TP73: variants seen among roughly 807,000 people sequenced by gnomAD.
TP73 encodes the protein tumor protein p73.
In TP73, 25 loss-of-function variants were observed where a neutral mutation model predicts 62.5. That is an observed-to-expected ratio of 0.40 (90% CI 0.29 to 0.56). The LOEUF (loss-of-function observed/expected upper bound fraction) is 0.56, where lower values mean the gene tolerates loss of function less well. TP73 is among the 20% of genes least tolerant of loss of function. TP73 has a pLI of 0.46. For synonymous variants in TP73, 423 were observed against 377.5 expected, an observed-to-expected ratio of 1.12 and a Z score of -1.40; for missense variants, 754 against 913.3, an observed-to-expected ratio of 0.83 and a Z score of 2.25.
chr1:3,733,303 G>A lies in TP73; in HGVS notation c.*224G>A. On this transcript the variant is annotated 3_prime_UTR_variant, in exon 14 of 14. Coordinates refer to ENST00000378295, the MANE Select transcript of TP73 (RefSeq NM_005427.4). ...GTCACCTGCAGAACCTTCTGGAGCT[G>A]CCCTAGTGCTGGGCTTGTGGGGCGG... is the stretch of plus-strand genomic sequence containing the variant. The A allele has an allele frequency of 1.6e-6, 1 of 607,338 alleles. No individual in the cohort carries two copies. Among genetic ancestry groups the A allele is most frequent in the Non-Finnish European group, 2.9e-6 (1 of 348,684 alleles). 37.6% of individuals were successfully genotyped at this position (607,338 alleles called of 1,614,324 possible).
intron 1 of TP73, among the ~76,000 whole-genome samples, chr1:3,678,415 G>A (rs1645423562): frequency 6.6e-6 from 1 of 152,226 alleles, no homozygotes; most frequent in African/African-American, 2.4e-5. Context: ...CCAGATGCCT[G>A]CGGAGCCAGT....
At chr1:3,675,614 G>A (rs1007470405) in intron 1 of TP73, among the ~76,000 whole-genome samples, 3 of 152,132 alleles carry the variant, frequency 2.0e-5, no homozygotes, top group East Asian at 1.9e-4. Context: ...TGCCCAGGCT[G>A]AGTGCGGACG....
intron 1 of TP73, among the ~76,000 whole-genome samples, chr1:3,674,364 G>A (rs1415214031): frequency 2.6e-5 from 4 of 152,328 alleles, no homozygotes; most frequent in African/African-American, 4.8e-5. Context: ...CACGGTGCAC[G>A]CTACCCCACC....
intron 4 of TP73, among the ~76,000 whole-genome samples, chr1:3,718,385 C>T (rs1348332220): frequency 3.3e-5 from 5 of 152,238 alleles, no homozygotes; most frequent in Non-Finnish European, 5.9e-5. Flanking sequence ...GAGCAAGGAT[C>T]GCCACTTCAC....
chr1:3,707,910 ACCT>A, intron 4 of TP73, 119 bp downstream of exon 4: 4 of 1,453,078 alleles, frequency 2.8e-6, no homozygotes, highest in Non-Finnish European at 3.7e-6. Context: ...CGGGGTTCCC[ACCT>A]GGCCCGGGCC....
intron 1 of TP73, among the ~76,000 whole-genome samples, chr1:3,665,397 G>C (rs874532): frequency 0.045 from 6,855 of 152,258 alleles, 266 homozygotes; most frequent in East Asian, 0.16. Context: ...GATAAAAATA[G>C]CAAAATACAC....
chr1:3,723,279 TG>T, intron 5 of TP73, 74 bp from the exon 6 acceptor site: 1 of 1,242,728 alleles, frequency 8.0e-7, no homozygotes, highest in South Asian at 1.3e-5. Context: ...GGCACAGGGC[TG>T]GGCACCTCTC....
At chr1:3,726,856 T>G (rs1347910656) in intron 6 of TP73, among the ~76,000 whole-genome samples, 4 of 127,262 alleles carry the variant, frequency 3.1e-5, no homozygotes, top group East Asian at 2.8e-4. Flanking sequence ...TGGATGGGGT[T>G]GGTGGATGGA....
intron 3 of TP73, among the ~76,000 whole-genome samples, chr1:3,692,099 G>A (rs539003302): frequency 1.3e-5 from 2 of 152,296 alleles, no homozygotes; most frequent in African/African-American, 2.4e-5. Flanking sequence ...GTATGTACAC[G>A]TGTTTGCCTG....
intron 1 of TP73, among the ~76,000 whole-genome samples, chr1:3,661,767 A>G (rs1288180878): frequency 6.8e-6 from 1 of 147,956 alleles, no homozygotes. Flanking sequence ...TACATACACT[A>G]TATATAATAT....
intron 4 of TP73, 78 bp downstream of exon 4, chr1:3,707,869 C>T: frequency 6.5e-7 from 1 of 1,533,026 alleles, no homozygotes; most frequent in Non-Finnish European, 8.8e-7. Context: ...CCCCGCACCT[C>T]AAGAGGTCTG....
intron 4 of TP73, among the ~76,000 whole-genome samples, chr1:3,708,988 C>T (rs559854462): frequency 6.6e-6 from 1 of 152,228 alleles, no homozygotes; most frequent in Non-Finnish European, 1.5e-5. Context: ...CAGGTTTTTC[C>T]GCTTTAAGAA....
rs1221449717 is a variant in TP73, at chr1:3,662,811, A to C, written c.-34+10170A>C. Among the ~76,000 whole-genome samples the C allele has an allele frequency of 6.6e-6, 1 of 152,146 alleles. No homozygotes were observed. Among genetic ancestry groups the C allele is most frequent in the African/African-American group, 2.4e-5 (1 of 41,440 alleles). ...GCCTTGGAGATGGAATCAGCTCCCC[A>C]CCAGGCCCCAGGACAGACCTGGCTG... is the stretch of plus-strand genomic sequence containing the variant. On this transcript the variant is annotated intron_variant, in intron 1 of 13. Transcript: ENST00000378295. The surrounding 1 kb of genome is among the most constrained non-coding windows in gnomAD (Gnocchi z 4.4).
chr1:3,711,836 G>A (rs994428081), intron 4 of TP73, among the ~76,000 whole-genome samples: 30 of 143,466 alleles, frequency 2.1e-4, no homozygotes, highest in Non-Finnish European at 3.7e-4. Context: ...GTGTGTGCGC[G>A]AGCGTGTGTA....
intron 6 of TP73, among the ~76,000 whole-genome samples, chr1:3,726,158 G>A (rs1337240328): frequency 7.1e-6 from 1 of 141,498 alleles, no homozygotes; most frequent in East Asian, 2.3e-4. Context: ...GTGGATGGAT[G>A]GTTGGATGGA....
At chr1:3,664,009 G>A (rs1175529208) in intron 1 of TP73, among the ~76,000 whole-genome samples, 3 of 152,192 alleles carry the variant, frequency 2.0e-5, no homozygotes, top group Non-Finnish European at 4.4e-5. Context: ...AGGCTCTCTG[G>A]AGAGGCCACT....
intron 4 of TP73, among the ~76,000 whole-genome samples, chr1:3,709,888 T>C (rs1313312335): frequency 1.3e-5 from 2 of 152,278 alleles, no homozygotes; most frequent in Non-Finnish European, 2.9e-5. Context: ...CTGCATGTGG[T>C]CTGAGCTGAT....
At chr1:3,720,510 C>T (rs1203849949) in intron 4 of TP73, among the ~76,000 whole-genome samples, 2 of 152,206 alleles carry the variant, frequency 1.3e-5, no homozygotes, top group African/African-American at 4.8e-5. Context: ...AGGGACAGAC[C>T]AGCGTTCCTG....
intron 12 of TP73, 82 bp downstream of exon 12, chr1:3,731,147 G>A: frequency 6.5e-7 from 1 of 1,536,688 alleles, no homozygotes; most frequent in Non-Finnish European, 8.8e-7. Flanking sequence ...CAGCTGCCCT[G>A]CCCCACCCTG....
Sources: gnomAD v4.1 joint callset for allele counts (sites outside exome capture counted in the v4.1 genomes callset) on GRCh38, gnomAD v4.1.1 for gene constraint, Gnocchi (gnomAD v3.1) non-coding constraint, MANE v1.5 for transcripts, NCBI Gene and HGNC (gene_info 2026-07-23, HGNC 2026-07-21) for gene names.